Variants in FZD6 observed in about 807,000 individuals in gnomAD.
FZD6 encodes frizzled-6.
A neutral mutation model predicts 61.4 loss-of-function variants in FZD6; 49 were observed. The observed-to-expected ratio is 0.80, with a 90% CI of 0.63 to 1.01. FZD6 has a LOEUF of 1.01. FZD6 is among the 50% of genes least tolerant of loss of function. The pLI, the probability that FZD6 is intolerant of heterozygous loss-of-function variation, is 0.00. For synonymous variants in FZD6, 265 were observed against 292.2 expected (o/e 0.91, Z 0.95); for missense variants, 724 against 848.2 (o/e 0.85, Z 1.82).
chr8:103,302,689 A>C (rs1164654742), intron 2 of FZD6, among the ~76,000 whole-genome samples: 1 of 152,168 alleles, frequency 6.6e-6, no homozygotes, highest in Non-Finnish European at 1.5e-5. Flanking sequence ...AGACTTTGCT[A>C]CTTATTTGCA....
In FZD6 at chr8:103,318,591, AT is replaced by A; in HGVS notation, c.183del (p.Leu62PhefsTer25). The A allele has an allele frequency of 6.3e-7, 1 of 1,580,344 alleles. No individual in the cohort carries two copies. The highest frequency in any genetic ancestry group is 8.7e-7 in the Non-Finnish European group (1 of 1,149,456). On this transcript the variant is annotated frameshift_variant and splice_region_variant, in exon 3 of 7. Transcript: ENST00000358755. LOFTEE classifies it high-confidence loss of function. ...ACTGTATCTTGATGTCTTTAATAGC[AT>A]TTTCTTCCTCTCGCAAATCTGGAAT... is the stretch of plus-strand genomic sequence containing the variant. ...DQSIAAVEME[H>X]FLPLANLECS...
chr8:103,326,778 G>A (rs1408477678), intron 4 of FZD6, among the ~76,000 whole-genome samples: 4 of 150,112 alleles, frequency 2.7e-5, no homozygotes, highest in African/African-American at 9.8e-5. Flanking sequence ...ATAGCTGAAA[G>A]GCTAATTTCT....
At chr8:103,311,106 C>T (rs1586509396) in intron 2 of FZD6, among the ~76,000 whole-genome samples, 1 of 152,230 alleles carries the variant, frequency 6.6e-6, no homozygotes, top group Non-Finnish European at 1.5e-5. Flanking sequence ...GCAAAGGGAA[C>T]TGGGGCATAG....
chr8:103,305,663 T>C (rs1000018037), intron 2 of FZD6, among the ~76,000 whole-genome samples: 5 of 152,174 alleles, frequency 3.3e-5, no homozygotes, highest in African/African-American at 1.2e-4. Flanking sequence ...ATGAAATAAA[T>C]AGTGAGAAGT....
intron 2 of FZD6, among the ~76,000 whole-genome samples, chr8:103,317,378 G>A (rs1231486772): frequency 1.3e-5 from 2 of 152,236 alleles, no homozygotes; most frequent in Non-Finnish European, 1.5e-5. Flanking sequence ...TTTGAACAAG[G>A]ATAAACTTAC....
intron 4 of FZD6, among the ~76,000 whole-genome samples, chr8:103,327,620 TAAAAG>T (rs1251623496): frequency 1.3e-5 from 2 of 151,734 alleles, no homozygotes; most frequent in Admixed American, 6.6e-5. Flanking sequence ...AAATAAAAAA[TAAAAG>T]AAATAAAGAG....
chr8:103,305,524 A>G (rs1563684845), intron 2 of FZD6, among the ~76,000 whole-genome samples: 1 of 152,172 alleles, frequency 6.6e-6, no homozygotes, highest in Non-Finnish European at 1.5e-5. Context: ...TTTCTTCCAT[A>G]TTCTCTACCC....
rs139052958 is a variant in FZD6 at position 103,330,013 on chromosome 8, G to C, written c.1900G>C (p.Asp634His). 10 of 1,613,994 alleles carry C rather than the reference G, an allele frequency of 6.2e-6. No homozygotes were observed. Among genetic ancestry groups the C allele is most frequent in the Non-Finnish European group, 8.5e-6 (10 of 1,179,982 alleles). ...CTCCAGACTCTCTGGGGAACAGGTCGACGGGAAGGGCCAGGCAGGCAGTGT... is the reference window on the plus strand; with the variant it reads ...CTCCAGACTCTCTGGGGAACAGGTCCACGGGAAGGGCCAGGCAGGCAGTGT... ...SISRLSGEQVDGKGQAGSVSE... is the reference protein window; with the variant it reads ...SISRLSGEQVHGKGQAGSVSE... Residue 634 changes from aspartate (D) to histidine (H), a missense_variant, in exon 6 of 7, where the codon GAC becomes CAC. Transcript: ENST00000358755.
At chr8:103,323,214 C>A (rs917232084) in intron 3 of FZD6, among the ~76,000 whole-genome samples, 1 of 152,058 alleles carries the variant, frequency 6.6e-6, no homozygotes. Context: ...GTAATGAATA[C>A]TTCTGAGGAG....
intron 2 of FZD6, among the ~76,000 whole-genome samples, chr8:103,307,529 T>C (rs1341959444): frequency 6.6e-6 from 1 of 152,258 alleles, no homozygotes; most frequent in Non-Finnish European, 1.5e-5. Context: ...CATTGTACTT[T>C]CAGTTCTACT....
intron 2 of FZD6, among the ~76,000 whole-genome samples, chr8:103,312,272 A>G (rs1006470693): frequency 6.6e-6 from 1 of 152,192 alleles, no homozygotes; most frequent in African/African-American, 2.4e-5. Flanking sequence ...TAGTTATTGA[A>G]TGGTAGAATC....
In FZD6 at chr8:103,300,269, C is replaced by A; in HGVS notation, c.162C>A (p.Ala54=). The A allele has an allele frequency of 8.1e-6, 13 of 1,610,174 alleles. No homozygotes were observed. The highest frequency in any genetic ancestry group is 1.0e-5 in the Non-Finnish European group (12 of 1,176,504). Residue 54 remains alanine (A), a synonymous_variant, in exon 2 of 7, where the codon GCC becomes GCA. Transcript: ENST00000358755. ...TGGGTCATTATGACCAGAGTATTGC[C>A]GCGGTGGAAATGGAGGTGAGTAGTG... The part of the protein sequence containing the change: ...NLMGHYDQSI[A]AVEMEHFLPL...
At chr8:103,317,635 G>A (rs1057018920) in intron 2 of FZD6, among the ~76,000 whole-genome samples, 1 of 152,078 alleles carries the variant, frequency 6.6e-6, no homozygotes, top group Admixed American at 6.6e-5. Flanking sequence ...AGACCAGCCT[G>A]GCCAACATGG....
chr8:103,312,460 A>G (rs1320044038), intron 2 of FZD6, among the ~76,000 whole-genome samples: 1 of 152,242 alleles, frequency 6.6e-6, no homozygotes, highest in African/African-American at 2.4e-5. Flanking sequence ...TGCTCAATTC[A>G]TAGATTTGCA....
chr8:103,315,374 A>T (rs1196521522), intron 2 of FZD6, among the ~76,000 whole-genome samples: 2 of 152,196 alleles, frequency 1.3e-5, no homozygotes, highest in African/African-American at 4.8e-5. Flanking sequence ...ATCAACTGGT[A>T]AATGGTTAAG....
intron 2 of FZD6, among the ~76,000 whole-genome samples, chr8:103,310,387 A>G (rs1405845384): frequency 6.6e-6 from 1 of 152,152 alleles, no homozygotes; most frequent in African/African-American, 2.4e-5. Context: ...CTCAGGCCTC[A>G]GCCCCGGAAG....
chr8:103,313,058 A>T (rs1814540488), intron 2 of FZD6, among the ~76,000 whole-genome samples: 1 of 152,116 alleles, frequency 6.6e-6, no homozygotes, highest in African/African-American at 2.4e-5. Flanking sequence ...AAGAGGACAT[A>T]CTCTGGAGTC....
chr8:103,320,726 T>A (rs561525600), intron 3 of FZD6, among the ~76,000 whole-genome samples: 44 of 152,208 alleles, frequency 2.9e-4, no homozygotes, highest in African/African-American at 9.6e-4. Context: ...GGGTTCCTTG[T>A]GTGACTTTGA....
chr8:103,315,086 G>A (rs1814592282), intron 2 of FZD6, among the ~76,000 whole-genome samples: 1 of 151,988 alleles, frequency 6.6e-6, no homozygotes, highest in Non-Finnish European at 1.5e-5. Flanking sequence ...TTATGGATTT[G>A]TTTTTTACCT....
Sources: allele counts gnomAD v4.1 joint callset (sites outside exome capture counted in the v4.1 genomes callset), GRCh38; gene constraint gnomAD v4.1.1; transcripts MANE v1.5; gene names NCBI Gene and HGNC (gene_info 2026-07-23, HGNC 2026-07-21).